Variants in JPH1 observed in about 807,000 individuals in gnomAD.
JPH1 encodes junctophilin 1.
In JPH1, 12 loss-of-function variants were observed where a neutral mutation model predicts 53.6. That is an observed-to-expected ratio of 0.22 (90% CI 0.14 to 0.36). JPH1 has a LOEUF of 0.36. Ranked by LOEUF, JPH1 falls within the 10% of genes least tolerant of loss-of-function variation. The pLI is 1.00. For missense variants in JPH1, 808 were observed against 905.5 expected (o/e 0.89, Z 1.38); for synonymous variants, 375 against 363.8 (o/e 1.03, Z -0.35).
At chr8:74,269,926 C>G (rs1449977935) in intron 2 of JPH1, among the ~76,000 whole-genome samples, 1 of 152,188 alleles carries the variant, frequency 6.6e-6, no homozygotes, top group Non-Finnish European at 1.5e-5. Context: ...ATACATTTTT[C>G]TTTCTACTAT....
chr8:74,306,165 AGAG>A (rs1807828190), intron 2 of JPH1, among the ~76,000 whole-genome samples: 1 of 152,232 alleles, frequency 6.6e-6, no homozygotes, highest in Non-Finnish European at 1.5e-5. Context: ...GGAGCTGGCC[AGAG>A]GAGTTTCTCT....
At chr8:74,278,412 A>G (rs1466292132) in intron 2 of JPH1, among the ~76,000 whole-genome samples, 1 of 152,196 alleles carries the variant, frequency 6.6e-6, no homozygotes, top group East Asian at 1.9e-4. Context: ...GGGAAGTGGA[A>G]GAGGCCCCAC....
At chr8:74,263,281 G>C (rs183536151) in intron 2 of JPH1, among the ~76,000 whole-genome samples, 2 of 152,224 alleles carry the variant, frequency 1.3e-5, no homozygotes, top group African/African-American at 4.8e-5. Context: ...ACAATAAACT[G>C]CTTCAAAATT....
intron 4 of JPH1, among the ~76,000 whole-genome samples, chr8:74,242,371 C>A (rs117758974): frequency 5.9e-5 from 9 of 152,152 alleles, no homozygotes; most frequent in Non-Finnish European, 1.0e-4. Flanking sequence ...TCACAACAAC[C>A]CTGTGATAGG....
rs756534817 is a variant in JPH1, at chr8:74,237,258, C to T, written c.1951G>A (p.Gly651Arg). Residue 651 changes from glycine (G) to arginine (R), a missense_variant, in exon 5 of 6, where the codon GGG becomes AGG. By Grantham distance (125) the Gly-to-Arg change is moderately radical. Around this residue, in one of 2 missense-constraint regions of JPH1, gnomAD observed 756 missense variants for 811.9 expected, o/e 0.93. Coordinates refer to ENST00000342232, the MANE Select transcript of JPH1 (RefSeq NM_020647.4). ...AAGTGAACAAAAAGAATGGCCAACC[C>T]GATATTCAACAGCATGACAAGGACA... is the stretch of plus-strand genomic sequence containing the variant. ...MIVLVMLLNI[G>R]LAILFVHFLT 6.2e-7 allele frequency: 1 copy of T among 1,613,380 alleles called. No individual in the cohort carries two copies. Among genetic ancestry groups the T allele is most frequent in the Non-Finnish European group, 8.5e-7 (1 of 1,179,728 alleles).
At position 74,236,100 on chromosome 8, in the gene JPH1, G is replaced by T. The variant is rs1806989510; in HGVS notation, c.*951C>A. 1.3e-5 allele frequency: 2 copies of T among 152,120 alleles called. No individual in the cohort carries two copies. Among genetic ancestry groups the T allele is most frequent in the Admixed American group, 1.3e-4 (2 of 15,266 alleles). 9.4% of individuals were successfully genotyped at this position (152,120 alleles called of 1,614,324 possible). A position where few individuals can be genotyped will look rare whatever the true frequency, so the allele number is the denominator to read the frequency against. ...TTTCTTAGAATTCTGTTGTGTTTCA[G>T]CTTTTAAAATTTAGCACTTCCTAAG... On this transcript the variant is annotated 3_prime_UTR_variant, in exon 6 of 6. Coordinates refer to ENST00000342232, the MANE Select transcript of JPH1 (RefSeq NM_020647.4).
rs567049671 is a variant in JPH1, at chr8:74,240,960, T to C, written c.1905+3569A>G. On this transcript the variant is annotated intron_variant, in intron 4 of 5. Transcript: ENST00000342232. Reference sequence around the variant, plus strand: ...TGAATTTAGATTACTATCTTTTCTCTAGTTTTTAGCCCACATATCACTGTA... The same window carrying C: ...TGAATTTAGATTACTATCTTTTCTCCAGTTTTTAGCCCACATATCACTGTA... Among the ~76,000 whole-genome samples, 58 of 152,382 alleles carry C rather than the reference T, an allele frequency of 3.8e-4. No individual in the cohort carries two copies. In the South Asian group the frequency reaches 0.012, roughly 32 times the overall value.
At chr8:74,240,883 A>C (rs1243451693) in intron 4 of JPH1, among the ~76,000 whole-genome samples, 1 of 152,190 alleles carries the variant, frequency 6.6e-6, no homozygotes, top group Non-Finnish European at 1.5e-5. Flanking sequence ...CTGTGAATTT[A>C]TCTAACCCCT....
chr8:74,248,473 T>G (rs1805930970), intron 3 of JPH1, among the ~76,000 whole-genome samples: 1 of 152,200 alleles, frequency 6.6e-6, no homozygotes, highest in Non-Finnish European at 1.5e-5. Context: ...TAACAAATGA[T>G]CCGAGTGATT....
intron 3 of JPH1, among the ~76,000 whole-genome samples, chr8:74,257,920 C>G (rs898631018): frequency 2.0e-5 from 3 of 152,036 alleles, no homozygotes; most frequent in Non-Finnish European, 2.9e-5. Context: ...TTATAAAAAC[C>G]GAATCTTCTT....
In JPH1 at chr8:74,244,665, C is replaced by T. The variant is rs775696859; in HGVS notation, c.1769G>A (p.Ser590Asn). 6.2e-7 allele frequency: 1 copy of T among 1,614,198 alleles called. No individual in the cohort carries two copies. The highest frequency in any genetic ancestry group is 8.5e-7 in the Non-Finnish European group (1 of 1,180,050). ...TGGTTTTGTCACAGATTTGGAGGGA[C>T]TCCACTTGTTAGCGGATGGCTTGTG... ...LVHKPSANKW[S>N]PSKSVTKPVA... The change falls in exon 4 of 6, where the codon AGT (serine) becomes AAT (asparagine). Residue 590 changes from serine (S) to asparagine (N), a missense_variant. Ser to Asn is a conservative substitution (Grantham distance 46, BLOSUM62 1). Coordinates refer to ENST00000342232, the MANE Select transcript of JPH1 (RefSeq NM_020647.4).
chr8:74,258,862 C>T (rs961525470), intron 3 of JPH1, among the ~76,000 whole-genome samples: 1 of 152,190 alleles, frequency 6.6e-6, no homozygotes, highest in Non-Finnish European at 1.5e-5. Flanking sequence ...AATAACCCAT[C>T]TCCAGGGCTA....
At chr8:74,239,629 A>C (rs571620579) in intron 4 of JPH1, among the ~76,000 whole-genome samples, 79 of 152,166 alleles carry the variant, frequency 5.2e-4, no homozygotes, top group Non-Finnish European at 7.8e-4. Flanking sequence ...ACAACTGAGC[A>C]CAGAGATTAA....
chr8:74,245,107 G>C lies in JPH1; in HGVS notation c.1327C>G (p.Pro443Ala), dbSNP rs778071311. The C allele has an allele frequency of 1.2e-6, 2 of 1,611,402 alleles. No homozygotes were observed. The highest frequency in any genetic ancestry group is 1.7e-6 in the Non-Finnish European group (2 of 1,179,730). The part of the protein sequence containing the change: ...DAKENPEEKV[P>A]EKPPTPKESP... ...TCCTTTGGTGTAGGTGGCTTTTCTG[G>C]TACCTTTTCTTCTGGATTTTCTTTA... Residue 443 changes from proline (P) to alanine (A), a missense_variant, in exon 4 of 6, where the codon CCA becomes GCA. Pro to Ala is a conservative substitution (Grantham distance 27). Transcript: ENST00000342232.
chr8:74,305,246 A>G (rs1563419662), intron 2 of JPH1, among the ~76,000 whole-genome samples: 1 of 152,232 alleles, frequency 6.6e-6, no homozygotes, highest in Non-Finnish European at 1.5e-5. Context: ...CTTAATCCAT[A>G]ATGGAAAGTT....
chr8:74,315,708 C>G lies in JPH1; in HGVS notation c.380-88G>C. On this transcript the variant is annotated intron_variant, in intron 1 of 5. Transcript: ENST00000342232. This position sits in a 1 kb window ranked among gnomAD's most constrained non-coding sequence, Gnocchi z 6.3. The stretch of plus-strand genomic sequence containing the variant: ...TCCAGCGCACACTGGCGCAGGCCTG[C>G]CCAAGGTCAAATCTGACCCATTTCC... 1 of 1,320,656 alleles carries G rather than the reference C, an allele frequency of 7.6e-7. No individual in the cohort carries two copies. The highest frequency in any genetic ancestry group is 1.0e-6 in the Non-Finnish European group (1 of 988,838). The allele number at this position is 1,320,656 out of a possible 1,614,324, so 81.8% of individuals were successfully genotyped here. A position where few individuals can be genotyped will look rare whatever the true frequency, so the allele number is the denominator to read the frequency against.
At chr8:74,287,389 CG>C (rs1563411795) in intron 2 of JPH1, among the ~76,000 whole-genome samples, 1 of 150,704 alleles carries the variant, frequency 6.6e-6, no homozygotes, top group African/African-American at 2.5e-5. Flanking sequence ...GATTGCACTC[CG>C]GACTGGGCAA....
intron 2 of JPH1, among the ~76,000 whole-genome samples, chr8:74,265,078 T>C (rs1472566495): frequency 2.0e-5 from 3 of 152,226 alleles, no homozygotes; most frequent in South Asian, 2.1e-4. Flanking sequence ...AATTCTATCA[T>C]GTATGTAACT....
intron 2 of JPH1, among the ~76,000 whole-genome samples, chr8:74,260,374 T>A (rs2131394785): frequency 6.6e-6 from 1 of 152,214 alleles, no homozygotes; most frequent in Non-Finnish European, 1.5e-5. Context: ...GGGAATGATG[T>A]CTACTGGCCC....
Sources: allele counts gnomAD v4.1 joint callset (sites outside exome capture counted in the v4.1 genomes callset), GRCh38; gene constraint gnomAD v4.1.1; regional missense constraint gnomAD v4.1.1; non-coding constraint Gnocchi (gnomAD v3.1); transcripts MANE v1.5; gene names NCBI Gene and HGNC (gene_info 2026-07-23, HGNC 2026-07-21).